Variants in PCM1 observed in about 807,000 individuals in gnomAD.
PCM1 encodes pericentriolar material 1 protein.
In PCM1, 157 loss-of-function variants were observed where a neutral mutation model predicts 241.9. The ratio of observed to expected loss-of-function variants is 0.65; its 90% CI spans 0.57 to 0.74. PCM1 has a LOEUF of 0.74. Among genes scored for constraint, PCM1 ranks in the 30% least tolerant of loss-of-function variants. The pLI is 0.00. For missense variants in PCM1, 3,478 were observed against 2,360.1 expected (o/e 1.47, Z -9.81); for synonymous variants, 1,085 against 784.9 (o/e 1.38, Z -6.39).
chr8:18,007,103 A>T (rs2091546697), intron 30 of PCM1, among the ~76,000 whole-genome samples: 3 of 152,218 alleles, frequency 2.0e-5, no homozygotes, highest in Admixed American at 2.0e-4. Context: ...TTTATTCCAT[A>T]TGACAAACAT....
At chr8:17,934,268 C>CT (rs34603700) in intron 2 of PCM1, among the ~76,000 whole-genome samples, 65,728 of 145,790 alleles carry the variant, frequency 0.45, 16,151 homozygotes, top group Middle Eastern at 0.59. Context: ...AATTTTTAAT[C>CT]TTTTTTTTTT....
At chr8:17,980,505 C>T in intron 23 of PCM1, 86 bp from the exon 24 acceptor site, 1 of 1,051,274 alleles carries the variant, frequency 9.5e-7, no homozygotes, top group Non-Finnish European at 1.4e-6. Context: ...AATTGAGTTA[C>T]CTGTACTGTT....
chr8:17,952,140 T>C (rs2066262052), intron 8 of PCM1, among the ~76,000 whole-genome samples: 1 of 151,864 alleles, frequency 6.6e-6, no homozygotes, highest in Non-Finnish European at 1.5e-5. Context: ...GGAGAATCGC[T>C]TGAACCCAGG....
chr8:17,961,328 T>TTG (rs2071885063), intron 15 of PCM1, among the ~76,000 whole-genome samples: 2 of 146,734 alleles, frequency 1.4e-5, no homozygotes, highest in Non-Finnish European at 3.0e-5. Flanking sequence ...TTTTTTTTTT[T>TTG]GAGACGGAGT....
chr8:17,957,453 C>G (rs1006513030), intron 12 of PCM1, 32 bp downstream of exon 12: 2 of 1,607,822 alleles, frequency 1.2e-6, no homozygotes, highest in Non-Finnish European at 1.7e-6. Flanking sequence ...TATAATTTTG[C>G]TGTGTTATTC....
Position 17,995,415 on chromosome 8 carries a change from C to T in PCM1, c.4827+1796C>T, listed in dbSNP as rs191195937. Among the ~76,000 whole-genome samples, 176 of 151,260 alleles carry T rather than the reference C, an allele frequency of 1.2e-3. 10 individuals are homozygous for T. Among genetic ancestry groups the T allele is most frequent in the African/African-American group, 4.1e-3 (168 of 40,748 alleles). On this transcript the variant is annotated intron_variant, in intron 29 of 38. Coordinates refer to ENST00000325083, the MANE Select transcript of PCM1 (RefSeq NM_006197.4). ...TTCTGGGTTCTCTGTTCTGTTCTGT[C>T]GGTCTGTGTTTCTGTTGTTTGTATG...
chr8:17,937,735 G>A (rs570202364), intron 4 of PCM1, among the ~76,000 whole-genome samples: 2 of 152,284 alleles, frequency 1.3e-5, no homozygotes, highest in South Asian at 2.1e-4. Flanking sequence ...AGTGTGGGAT[G>A]TGCTGGGTTA....
chr8:18,010,184 T>G (rs993693671), intron 31 of PCM1, among the ~76,000 whole-genome samples: 1 of 152,220 alleles, frequency 6.6e-6, no homozygotes, highest in African/African-American at 2.4e-5. Flanking sequence ...CTGTAGTTTG[T>G]TCTGCCTTGT....
At chr8:17,947,773 TAA>T (rs1010265390) in intron 7 of PCM1, among the ~76,000 whole-genome samples, 8 of 152,240 alleles carry the variant, frequency 5.3e-5, no homozygotes, top group Non-Finnish European at 8.8e-5. Context: ...AGTAAATTTA[TAA>T]AGTGTCTTTA....
chr8:17,983,356 A>C (rs1185253778), intron 24 of PCM1: 1 of 897,874 alleles, frequency 1.1e-6, no homozygotes, highest in African/African-American at 1.7e-5. Context: ...TAAAGGTTTT[A>C]TTGTCCTGAT....
At position 17,985,526 on chromosome 8, in the gene PCM1, T is replaced by C. The variant is rs1332907416; in HGVS notation, c.4188T>C (p.Asn1396=). 2 of 1,588,236 alleles carry C rather than the reference T, an allele frequency of 1.3e-6. No individual in the cohort carries two copies. The highest frequency in any genetic ancestry group is 1.7e-6 in the Non-Finnish European group (2 of 1,164,926). The change falls in exon 25 of 39, where the codon AAT becomes AAC. Residue 1396 remains asparagine, a synonymous_variant. Coordinates refer to ENST00000325083, the MANE Select transcript of PCM1 (RefSeq NM_006197.4). ...YSEVATLISQ[N]ESRPHFLIEL... is the part of the protein sequence containing the mutation. ...AAGTAGCTACATTAATTTCTCAAAA[T>C]GAATCTCGTCCACATTTTCTTATTG...
intron 30 of PCM1, among the ~76,000 whole-genome samples, chr8:18,008,409 T>C (rs1187002967): frequency 6.6e-6 from 1 of 151,986 alleles, no homozygotes; most frequent in African/African-American, 2.4e-5. Flanking sequence ...TTCTACATTA[T>C]GGTGAGTTGT....
At chr8:17,991,982 C>G (rs974830902) in intron 28 of PCM1, among the ~76,000 whole-genome samples, 4 of 152,200 alleles carry the variant, frequency 2.6e-5, no homozygotes, top group Non-Finnish European at 4.4e-5. Flanking sequence ...AGTTACATCA[C>G]TTAGATTAAC....
intron 10 of PCM1, among the ~76,000 whole-genome samples, chr8:17,956,252 T>TAGTA (rs1196860261): frequency 6.6e-6 from 1 of 152,184 alleles, no homozygotes; most frequent in Non-Finnish European, 1.5e-5. Context: ...TCCTGAGAGG[T>TAGTA]AGTATTTAGT....
intron 29 of PCM1, among the ~76,000 whole-genome samples, chr8:17,996,412 T>C (rs2086768746): frequency 6.6e-6 from 1 of 152,208 alleles, no homozygotes; most frequent in African/African-American, 2.4e-5. Flanking sequence ...ATCATCTTTT[T>C]AATGTGTTGT....
intron 32 of PCM1, 29 bp downstream of exon 32, chr8:18,010,697 A>G (rs1043216299): frequency 3.9e-6 from 6 of 1,544,128 alleles, no homozygotes; most frequent in Non-Finnish European, 5.3e-6. Context: ...TTGCCTAAAA[A>G]TATGGCTGGG....
intron 2 of PCM1, chr8:17,927,770 TC>T (rs2057548141): frequency 6.7e-6 from 1 of 149,686 alleles, no homozygotes; most frequent in South Asian, 2.1e-4. Flanking sequence ...AGGCTAGTCT[TC>T]AACTCCTGAC....
chr8:17,960,995 C>G (rs1211790119), intron 15 of PCM1, among the ~76,000 whole-genome samples: 5 of 152,206 alleles, frequency 3.3e-5, no homozygotes, highest in Non-Finnish European at 7.4e-5. Context: ...AACATGTGTA[C>G]TCATAACTGT....
At chr8:17,943,598 T>A (rs2062867925) in intron 6 of PCM1, among the ~76,000 whole-genome samples, 1 of 152,234 alleles carries the variant, frequency 6.6e-6, no homozygotes, top group South Asian at 2.1e-4. Context: ...AATATCCTTA[T>A]AAGTGATTAT....
Sources: gnomAD v4.1 joint callset for allele counts (sites outside exome capture counted in the v4.1 genomes callset) on GRCh38, gnomAD v4.1.1 for gene constraint, MANE v1.5 for transcripts, NCBI Gene and HGNC (gene_info 2026-07-23, HGNC 2026-07-21) for gene names.